Variants in DIAPH2 observed in about 807,000 individuals in gnomAD.
DIAPH2 encodes protein diaphanous homolog 2.
DIAPH2 carries 35 observed loss-of-function variants against 92.7 expected under a neutral mutation model. The observed-to-expected ratio is 0.38, with a 90% confidence interval of 0.29 to 0.50. The LOEUF is 0.50. Among genes scored for constraint, DIAPH2 ranks in the 20% least tolerant of loss-of-function variants. The probability of loss-of-function intolerance (pLI) is 0.94; values close to 1 mark genes in which losing one functional copy is unlikely to be tolerated. For synonymous variants in DIAPH2, 301 were observed against 280.4 expected (o/e 1.07, Z -0.73); for missense variants, 701 against 819.5 (o/e 0.86, Z 1.77).
intron 23 of DIAPH2, among the ~76,000 whole-genome samples, chrX:97,294,955 C>T (rs961469358): frequency 1.8e-5 from 2 of 111,360 alleles, no homozygotes; most frequent in Admixed American, 9.7e-5. Context: ...CTTTAATCAA[C>T]GCTTTAACAT....
At chrX:97,580,902 GTGTA>G (rs1441107266) in intron 26 of DIAPH2, among the ~76,000 whole-genome samples, 6 of 93,787 alleles carry the variant, frequency 6.4e-5, no homozygotes, top group Non-Finnish European at 1.1e-4. Context: ...TCTTGGGAGA[GTGTA>G]TGTGTCAAGG....
intron 1 of DIAPH2, among the ~76,000 whole-genome samples, chrX:96,688,809 G>A (rs897288491): frequency 8.9e-6 from 1 of 112,021 alleles, no homozygotes; most frequent in Non-Finnish European, 1.9e-5. Flanking sequence ...ATGTGAGCCA[G>A]ACGTGGTAGC....
At chrX:97,322,903 CTTTTTTTTT>C (rs1160046333) in intron 23 of DIAPH2, among the ~76,000 whole-genome samples, 3 of 76,937 alleles carry the variant, frequency 3.9e-5, no homozygotes, top group African/African-American at 9.8e-5. Context: ...TATCCCAGTT[CTTTTTTTTT>C]TTTTTTTTTT....
intron 22 of DIAPH2, among the ~76,000 whole-genome samples, chrX:97,212,379 T>C (rs2067847093): frequency 2.7e-5 from 2 of 73,880 alleles, no homozygotes; most frequent in Admixed American, 3.1e-4. Context: ...TGTGGGTTAT[T>C]TGAGAAAAAG....
At chrX:97,059,325 T>C (rs1199213614) in intron 17 of DIAPH2, among the ~76,000 whole-genome samples, 11 of 112,007 alleles carry the variant, frequency 9.8e-5, no homozygotes, top group African/African-American at 3.6e-4. Context: ...TACTCACTTA[T>C]ACCTATTACA....
intron 17 of DIAPH2, among the ~76,000 whole-genome samples, chrX:97,063,919 T>A (rs1472011847): frequency 1.8e-5 from 2 of 112,304 alleles, no homozygotes; most frequent in African/African-American, 3.2e-5. Flanking sequence ...CCATCCTTAT[T>A]TGTTTACTTA....
chrX:97,572,082 CTT>C (rs58336391), intron 26 of DIAPH2, among the ~76,000 whole-genome samples: 156 of 96,604 alleles, frequency 1.6e-3, no homozygotes, highest in Middle Eastern at 5.2e-3. Context: ...CTGTGACTTC[CTT>C]TTTTTTTTTT....
chrX:97,589,704 A>G (rs2071504495), intron 26 of DIAPH2, among the ~76,000 whole-genome samples: 1 of 112,415 alleles, frequency 8.9e-6, no homozygotes, highest in Non-Finnish European at 1.9e-5. Flanking sequence ...GCTTTGTCCC[A>G]ATAGATGTAA....
At chrX:97,207,812 G>T (rs1366881289) in intron 22 of DIAPH2, among the ~76,000 whole-genome samples, 1 of 111,668 alleles carries the variant, frequency 9.0e-6, no homozygotes, top group Non-Finnish European at 1.9e-5. Flanking sequence ...ATTGATTTTT[G>T]TACTGAAATT....
chrX:96,860,611 A>G (rs1309670780), intron 4 of DIAPH2, among the ~76,000 whole-genome samples: 4 of 111,571 alleles, frequency 3.6e-5, no homozygotes, highest in African/African-American at 1.3e-4. Flanking sequence ...CCCTAAGGAA[A>G]TTATCCAAAA....
At chrX:97,072,732 T>G (rs928111347) in intron 17 of DIAPH2, among the ~76,000 whole-genome samples, 3 of 111,973 alleles carry the variant, frequency 2.7e-5, no homozygotes, top group Admixed American at 9.5e-5. Flanking sequence ...GCTTATCTTT[T>G]CTGCTTAAGT....
At chrX:96,935,258 T>C (rs1490389949) in intron 10 of DIAPH2, among the ~76,000 whole-genome samples, 2 of 111,617 alleles carry the variant, frequency 1.8e-5, no homozygotes, top group Admixed American at 9.5e-5. Flanking sequence ...AAAATTTTTA[T>C]TCAGTAAATG....
At chrX:97,188,084 CTT>C (rs1346116053) in intron 22 of DIAPH2, among the ~76,000 whole-genome samples, 48 of 111,669 alleles carry the variant, frequency 4.3e-4, no homozygotes, top group African/African-American at 1.3e-3. Context: ...AAAGAAAAGT[CTT>C]TGGAGTAGAA....
chrX:96,817,710 TAGA>T (rs2064746706), intron 4 of DIAPH2, among the ~76,000 whole-genome samples: 2 of 109,869 alleles, frequency 1.8e-5, no homozygotes, highest in Admixed American at 9.7e-5. Flanking sequence ...TTTCACATGG[TAGA>T]AGGAGGGCGA....
intron 26 of DIAPH2, among the ~76,000 whole-genome samples, chrX:97,465,449 T>C (rs1857194302): frequency 8.9e-6 from 1 of 111,929 alleles, no homozygotes; most frequent in Non-Finnish European, 1.9e-5. Flanking sequence ...CCCTAAACAA[T>C]ACAGTATAAC....
intron 1 of DIAPH2, among the ~76,000 whole-genome samples, chrX:96,721,867 T>A (rs903224546): frequency 1.8e-5 from 2 of 111,996 alleles, no homozygotes; most frequent in Non-Finnish European, 3.8e-5. Flanking sequence ...CATTACAGGT[T>A]TGTTTTAGGA....
At chrX:97,196,543 A>T (rs1051200793) in intron 22 of DIAPH2, among the ~76,000 whole-genome samples, 1 of 111,782 alleles carries the variant, frequency 8.9e-6, no homozygotes, top group Non-Finnish European at 1.9e-5. Flanking sequence ...CAGGAAAGAA[A>T]TAACATGAAA....
chrX:97,495,745 A>T (rs1027160062), intron 26 of DIAPH2, among the ~76,000 whole-genome samples: 1 of 111,971 alleles, frequency 8.9e-6, no homozygotes, highest in Non-Finnish European at 1.9e-5. Flanking sequence ...TCAAAGCAAT[A>T]CTATTACATA....
chrX:97,026,632 A>G (rs181414808), intron 17 of DIAPH2, among the ~76,000 whole-genome samples: 2 of 112,078 alleles, frequency 1.8e-5, no homozygotes, highest in Non-Finnish European at 3.8e-5. Context: ...AATTTAGGTT[A>G]AAGACTGCTG....
Sources: allele counts gnomAD v4.1 joint callset (sites outside exome capture counted in the v4.1 genomes callset), GRCh38; gene constraint gnomAD v4.1.1; transcripts MANE v1.5; gene names NCBI Gene and HGNC (gene_info 2026-07-23, HGNC 2026-07-21).